Variants in EYS observed in about 807,000 individuals in gnomAD.
EYS encodes EGF-like photoreceptor maintenance factor.
Under a neutral mutation model 282.1 loss-of-function variants are expected in EYS, and 250 were observed. That is an observed-to-expected ratio of 0.89 (90% CI 0.80 to 0.98). EYS has a LOEUF of 0.98. EYS is among the 50% of genes least tolerant of loss of function. EYS has a pLI of 0.00. For missense variants in EYS, 4,016 were observed against 3,709.0 expected, an observed-to-expected ratio of 1.08 and a Z score of -2.15; for synonymous variants, 1,355 against 1,282.9, an observed-to-expected ratio of 1.06 and a Z score of -1.20.
intron 2 of EYS, among the ~76,000 whole-genome samples, chr6:65,569,799 C>T (rs571064961): frequency 1.3e-4 from 20 of 152,258 alleles, no homozygotes; most frequent in African/African-American, 4.8e-4. Context: ...AAATTATCCT[C>T]AAAAAGATCC....
chr6:64,575,115 GAAAAGTATAGCACCTAGTCAT>G (rs1171171908), intron 26 of EYS, among the ~76,000 whole-genome samples: 1 of 152,068 alleles, frequency 6.6e-6, no homozygotes. Flanking sequence ...AAATCAAACA[GAAAAGTATAGCACCTAGTCAT>G]AATCTTAAAT....
At chr6:65,055,682 A>AT (rs895613632) in intron 13 of EYS, among the ~76,000 whole-genome samples, 26 of 151,968 alleles carry the variant, frequency 1.7e-4, no homozygotes, top group African/African-American at 6.0e-4. Flanking sequence ...CTAGTCAAGT[A>AT]TTTTTTAGAA....
chr6:65,625,899 A>G (rs570659364), intron 2 of EYS, among the ~76,000 whole-genome samples: 33 of 152,330 alleles, frequency 2.2e-4, no homozygotes, highest in African/African-American at 7.9e-4. Flanking sequence ...CTACATCGCA[A>G]TAATCATTTG....
intron 35 of EYS, among the ~76,000 whole-genome samples, chr6:63,983,614 G>C (rs1582078144): frequency 6.6e-6 from 1 of 151,672 alleles, no homozygotes; most frequent in East Asian, 2.0e-4. Flanking sequence ...AAATACTGAG[G>C]TTAATTAATT....
At chr6:65,238,054 G>A (rs1285354861) in intron 12 of EYS, among the ~76,000 whole-genome samples, 4 of 151,830 alleles carry the variant, frequency 2.6e-5, no homozygotes, top group Non-Finnish European at 5.9e-5. Context: ...TTAGGTATAT[G>A]TATATAGATG....
At chr6:64,507,689 A>G (rs1777254895) in intron 26 of EYS, among the ~76,000 whole-genome samples, 2 of 152,204 alleles carry the variant, frequency 1.3e-5, no homozygotes, top group African/African-American at 4.8e-5. Context: ...TCAAGTCGGG[A>G]AAAACAAATA....
chr6:64,899,098 C>G (rs1320165976), intron 18 of EYS, among the ~76,000 whole-genome samples: 2 of 152,076 alleles, frequency 1.3e-5, no homozygotes, highest in Non-Finnish European at 2.9e-5. Flanking sequence ...AACTCTGGAC[C>G]AAGTGGACCT....
At chr6:64,532,967 G>GA (rs1247279504) in intron 26 of EYS, among the ~76,000 whole-genome samples, 1 of 151,516 alleles carries the variant, frequency 6.6e-6, no homozygotes, top group Non-Finnish European at 1.5e-5. Context: ...AAGATCTAAA[G>GA]AAAAAAAGGG....
rs1042688038 is a variant in EYS, at chr6:63,762,615, C to G, written c.7917G>C (p.Gly2639=). 4 of 1,549,836 alleles carry G rather than the reference C, an allele frequency of 2.6e-6. No individual in the cohort carries two copies. The East Asian group carries it at 9.8e-5, about 38-fold the overall frequency. ...GTSVYCNCTT[G]WKGSFCTETV... ...TCTCTGTGCAGAATGATCCTTTCCA[C>G]CCAGTGGTACAATTGCAGCTGTGGG... Residue 2639 remains glycine, a synonymous_variant, in exon 41 of 43, where the codon GGG becomes GGC. Coordinates refer to ENST00000503581, the MANE Select transcript of EYS (RefSeq NM_001142800.2).
At chr6:64,276,558 G>T (rs1055079343) in intron 30 of EYS, among the ~76,000 whole-genome samples, 14 of 152,138 alleles carry the variant, frequency 9.2e-5, no homozygotes, top group Non-Finnish European at 1.6e-4. Context: ...ACAGGAAATT[G>T]TAGAATATTC....
At chr6:64,574,173 G>T (rs1201936871) in intron 26 of EYS, among the ~76,000 whole-genome samples, 1 of 152,006 alleles carries the variant, frequency 6.6e-6, no homozygotes, top group African/African-American at 2.4e-5. Flanking sequence ...AACTAACACA[G>T]GAACGGAAAA....
In EYS at chr6:63,930,834, CT is replaced by C. The variant is rs1764870355; in HGVS notation, c.7055+53548del. Among the ~76,000 whole-genome samples the C allele has an allele frequency of 2.6e-5, 4 of 152,268 alleles. No homozygotes were observed. The South Asian group carries it at 8.3e-4, about 32-fold the overall frequency. On this transcript the variant is annotated intron_variant, in intron 35 of 42. Transcript: ENST00000503581. ...TGTTTCCAAACCTTGCAACCCACCC[CT>C]TTATCCTAGTCTATAATTTATTGGA... is the stretch of plus-strand genomic sequence containing the variant.
chr6:65,652,334 A>C (rs1157994914), intron 1 of EYS, among the ~76,000 whole-genome samples: 2 of 152,046 alleles, frequency 1.3e-5, no homozygotes, highest in African/African-American at 4.8e-5. Context: ...AATTGTTTTG[A>C]AAAGTAGAAG....
intron 2 of EYS, among the ~76,000 whole-genome samples, chr6:65,516,638 T>A (rs1192467698): frequency 6.6e-6 from 1 of 152,114 alleles, no homozygotes; most frequent in South Asian, 2.1e-4. Flanking sequence ...TCAGGCCCAA[T>A]GATAAGTGTT....
intron 11 of EYS, chr6:65,332,119 ATTC>A: frequency 2.3e-6 from 1 of 435,176 alleles, no homozygotes; most frequent in Non-Finnish European, 4.1e-6. Context: ...ATGTTTCTTC[ATTC>A]TTCTTATTTT....
chr6:63,769,541 T>G (rs1236047281), intron 40 of EYS, among the ~76,000 whole-genome samples: 2 of 152,130 alleles, frequency 1.3e-5, no homozygotes, highest in Non-Finnish European at 2.9e-5. Context: ...TGTGGGTTCT[T>G]CTGTCTCCAA....
At chr6:64,545,558 T>C (rs544880320) in intron 26 of EYS, among the ~76,000 whole-genome samples, 104 of 152,184 alleles carry the variant, frequency 6.8e-4, no homozygotes, top group African/African-American at 2.4e-3. Context: ...GGGTATTCAG[T>C]TAGGAAAAGA....
At chr6:64,022,443 T>G (rs907812518) in intron 33 of EYS, among the ~76,000 whole-genome samples, 1 of 152,358 alleles carries the variant, frequency 6.6e-6, no homozygotes, top group Admixed American at 6.5e-5. Flanking sequence ...AATTATTGTG[T>G]ACAATTCATT....
At chr6:65,588,571 G>A (rs866232141) in intron 2 of EYS, among the ~76,000 whole-genome samples, 1 of 151,904 alleles carries the variant, frequency 6.6e-6, no homozygotes, top group East Asian at 1.9e-4. Flanking sequence ...CTCTGTATTC[G>A]AAATATAATA....
Sources: allele counts gnomAD v4.1 joint callset (sites outside exome capture counted in the v4.1 genomes callset), GRCh38; gene constraint gnomAD v4.1.1; transcripts MANE v1.5; gene names NCBI Gene and HGNC (gene_info 2026-07-23, HGNC 2026-07-21).